Variants in ATXN2 observed in about 807,000 individuals in gnomAD.
The protein encoded by ATXN2 is ataxin 2.
In ATXN2, 37 loss-of-function variants were observed where a neutral mutation model predicts 138.6. That is an observed-to-expected ratio of 0.27 (90% confidence interval 0.21 to 0.35). ATXN2 has a LOEUF of 0.35. ATXN2 is among the 10% of genes least tolerant of loss of function. ATXN2 has a pLI of 1.00. For missense variants in ATXN2, 1,216 were observed against 1,480.3 expected (o/e 0.82, Z 2.93); for synonymous variants, 549 against 543.7 (o/e 1.01, Z -0.13).
chr12:111,476,134 G>A (rs930483714), intron 18 of ATXN2, among the ~76,000 whole-genome samples: 2 of 152,070 alleles, frequency 1.3e-5, no homozygotes, highest in African/African-American at 4.8e-5. Flanking sequence ...AAATTGTTTT[G>A]TAGATATGGG....
At chr12:111,483,452 CTTTTTTTTTTTT>C (rs927752030) in intron 18 of ATXN2, among the ~76,000 whole-genome samples, 6 of 107,212 alleles carry the variant, frequency 5.6e-5, no homozygotes, top group African/African-American at 1.5e-4. Flanking sequence ...TAAAAGAACT[CTTTTTTTTTTTT>C]TTTTTTTTTG....
chr12:111,483,194 T>TACATAC (rs1555231600), intron 18 of ATXN2, among the ~76,000 whole-genome samples: 19 of 95,422 alleles, frequency 2.0e-4, no homozygotes, highest in Non-Finnish European at 2.3e-4. Context: ...ATCAAACACA[T>TACATAC]ACACACACAC....
rs570629186 is a variant in ATXN2, at chr12:111,536,249, C to T, written c.572-10933G>A. On this transcript the variant is annotated intron_variant, in intron 5 of 24. Transcript: ENST00000673436. The stretch of plus-strand genomic sequence containing the variant: ...GTTTAGGAGATTATAACAATATTTG[C>T]CTTGGTGGAAGAAAACAAGGACCAC... 2.6e-5 allele frequency among the ~76,000 whole-genome samples: 4 copies of T among 152,202 alleles called. No individual in the cohort carries two copies. The South Asian group carries it at 8.3e-4, about 32-fold the overall frequency.
intron 14 of ATXN2, among the ~76,000 whole-genome samples, chr12:111,500,728 C>A (rs1380354317): frequency 6.6e-6 from 1 of 152,134 alleles, no homozygotes; most frequent in African/African-American, 2.4e-5. Context: ...CAAAAATTAG[C>A]TGGGCGTGGT....
At chr12:111,491,759 G>A (rs569393990) in intron 14 of ATXN2, among the ~76,000 whole-genome samples, 8 of 152,288 alleles carry the variant, frequency 5.3e-5, no homozygotes, top group African/African-American at 1.9e-4. Flanking sequence ...ATGTCGTATT[G>A]TGCCAGCTTC....
intron 18 of ATXN2, among the ~76,000 whole-genome samples, chr12:111,481,811 G>A (rs770533594): frequency 1.4e-4 from 22 of 152,044 alleles, no homozygotes; most frequent in Non-Finnish European, 1.5e-4. Context: ...ATAGGTGCAC[G>A]CTACCATGCC....
intron 18 of ATXN2, among the ~76,000 whole-genome samples, chr12:111,481,507 A>AG (rs2135691324): frequency 1.5e-5 from 1 of 66,744 alleles, no homozygotes; most frequent in East Asian, 0.012. Context: ...AACCAAAGAC[A>AG]TATCGGTTAT....
At chr12:111,544,597 G>C (rs1566055149) in intron 5 of ATXN2, among the ~76,000 whole-genome samples, 1 of 152,310 alleles carries the variant, frequency 6.6e-6, no homozygotes, top group African/African-American at 2.4e-5. Context: ...GTAGCTGGCA[G>C]TGTGTGTCAT....
At chr12:111,465,436 A>G (rs920280692) in intron 20 of ATXN2, among the ~76,000 whole-genome samples, 31 of 152,256 alleles carry the variant, frequency 2.0e-4, no homozygotes, top group Admixed American at 1.8e-3. Flanking sequence ...TGTTTCTGAA[A>G]GGTAAAAGCA....
Position 111,510,277 on chromosome 12 carries a change from A to G in ATXN2, c.1756+108T>C, listed in dbSNP as rs1879426539. On this transcript the variant is annotated intron_variant, in intron 12 of 24. Coordinates refer to ENST00000673436, the MANE Select transcript of ATXN2 (RefSeq NM_001372574.1). The stretch of plus-strand genomic sequence containing the variant: ...ATAAACTTTTAAATGTGCACTAAAA[A>G]TACTTGTCTATGAATAAAAATAACC... 3.3e-5 allele frequency: 41 copies of G among 1,243,218 alleles called. 1 individual carries two copies. Among genetic ancestry groups the G allele is most frequent in the Non-Finnish European group, 4.5e-5 (40 of 888,262 alleles). The allele number at this position is 1,243,218 out of a possible 1,614,324, so 77.0% of individuals were successfully genotyped here. A position where few individuals can be genotyped will look rare whatever the true frequency, so the allele number is the denominator to read the frequency against.
chr12:111,509,893 T>C lies in ATXN2; in HGVS notation c.1862A>G (p.Lys621Arg). The change falls in exon 13 of 25, where the codon AAA becomes AGA. Residue 621 changes from lysine to arginine, a missense_variant and splice_region_variant. Lys to Arg is a conservative substitution (Grantham distance 26). Around this residue, in one of 4 missense-constraint regions of ATXN2, gnomAD observed 215 missense variants for 210.0 expected, o/e 1.02. Coordinates refer to ENST00000673436, the MANE Select transcript of ATXN2 (RefSeq NM_001372574.1). ...TSPSFSKAEN[K>R]GISPVVSEHR... ...TTAATGACTCTTTAAACTCTAACCT[T>C]TGTTTTCAGCTTTTGAGAAGCTAGG... 1 of 1,604,242 alleles carries C rather than the reference T, an allele frequency of 6.2e-7. No individual in the cohort carries two copies. The highest frequency in any genetic ancestry group is 1.1e-5 in the South Asian group (1 of 90,600).
intron 18 of ATXN2, chr12:111,471,180 A>C: frequency 5.4e-6 from 1 of 184,770 alleles, no homozygotes; most frequent in Non-Finnish European, 1.2e-5. Context: ...TATCTTCCTT[A>C]ATTTCCAACC....
intron 1 of ATXN2, chr12:111,597,615 G>T (rs1885002363): frequency 2.4e-6 from 1 of 409,892 alleles, no homozygotes; most frequent in South Asian, 1.7e-5. Flanking sequence ...ACTGACAACC[G>T]CCCGCCACCC....
At chr12:111,534,077 A>T (rs929331637) in intron 5 of ATXN2, among the ~76,000 whole-genome samples, 2 of 151,840 alleles carry the variant, frequency 1.3e-5, no homozygotes, top group African/African-American at 4.8e-5. Flanking sequence ...AATATTTTTT[A>T]AAATATAAAA....
intron 18 of ATXN2, among the ~76,000 whole-genome samples, chr12:111,480,558 CCAGCTACT>C: frequency 6.6e-6 from 1 of 152,306 alleles, no homozygotes; most frequent in East Asian, 1.9e-4. Context: ...CCCTGTAATT[CCAGCTACT>C]CAGGAGGCTG....
In ATXN2 at chr12:111,457,196, C is replaced by T. The variant is rs200574928; in HGVS notation, c.3042+18G>A. 1.2e-3 allele frequency: 1,955 copies of T among 1,607,080 alleles called. 1 individual carries two copies. The highest frequency in any genetic ancestry group is 1.5e-3 in the Non-Finnish European group (1,775 of 1,177,110). Reference sequence around the variant, plus strand: ...GGATAAAGAAGCCACTCCATGCAGACCTCTGAGTTGCCCTTACCTGAACAG... The same window carrying T: ...GGATAAAGAAGCCACTCCATGCAGATCTCTGAGTTGCCCTTACCTGAACAG... On this transcript the variant is annotated intron_variant, in intron 22 of 24. Coordinates refer to ENST00000673436, the MANE Select transcript of ATXN2 (RefSeq NM_001372574.1).
chr12:111,479,390 T>TTA (rs749710676), intron 18 of ATXN2, among the ~76,000 whole-genome samples: 8 of 49,848 alleles, frequency 1.6e-4, no homozygotes, highest in Non-Finnish European at 2.0e-4. Flanking sequence ...CCGTCTCTGC[T>TTA]AAAAAAAAAA....
intron 14 of ATXN2, among the ~76,000 whole-genome samples, chr12:111,494,452 G>A (rs1226449701): frequency 6.9e-6 from 1 of 145,694 alleles, no homozygotes; most frequent in Non-Finnish European, 1.5e-5. Flanking sequence ...TTGAGACGGA[G>A]TCTCACTCTG....
intron 14 of ATXN2, among the ~76,000 whole-genome samples, chr12:111,495,420 T>C (rs1350790879): frequency 1.3e-5 from 2 of 150,202 alleles, no homozygotes; most frequent in South Asian, 2.1e-4. Context: ...TCCATGCAAA[T>C]GGAAACCAGA....
Sources: gnomAD v4.1 joint callset for allele counts (sites outside exome capture counted in the v4.1 genomes callset) on GRCh38, gnomAD v4.1.1 for gene constraint, gnomAD v4.1.1 regional missense constraint, MANE v1.5 for transcripts, NCBI Gene and HGNC (gene_info 2026-07-23, HGNC 2026-07-21) for gene names.